Variants in ADGRL3 observed in about 807,000 individuals in gnomAD.
The protein encoded by ADGRL3 is calcium-independent alpha-latrotoxin receptor 3.
In ADGRL3, 62 loss-of-function variants were observed where a neutral mutation model predicts 153.5. The observed-to-expected ratio is 0.40, with a 90% CI of 0.33 to 0.50. ADGRL3 has a LOEUF of 0.50. ADGRL3 is among the 20% of genes least tolerant of loss of function. ADGRL3 has a pLI of 0.47. For synonymous variants in ADGRL3, 710 were observed against 672.5 expected, an observed-to-expected ratio of 1.06 and a Z score of -0.86; for missense variants, 1,641 against 1,859.4, an observed-to-expected ratio of 0.88 and a Z score of 2.16.
chr4:61,908,930 T>C (rs2098709227), intron 11 of ADGRL3, among the ~76,000 whole-genome samples: 1 of 152,192 alleles, frequency 6.6e-6, no homozygotes, highest in African/African-American at 2.4e-5. Context: ...TTTGGAGTGT[T>C]GACCATTTGA....
chr4:61,450,043 C>A (rs2097654782), intron 2 of ADGRL3, among the ~76,000 whole-genome samples: 1 of 152,100 alleles, frequency 6.6e-6, no homozygotes, highest in Non-Finnish European at 1.5e-5. Context: ...TTTATTGAAG[C>A]CACGTTAGAA....
intron 2 of ADGRL3, among the ~76,000 whole-genome samples, chr4:61,402,585 A>T (rs1008031836): frequency 6.6e-6 from 1 of 152,092 alleles, no homozygotes; most frequent in Non-Finnish European, 1.5e-5. Context: ...AGTGTGGAAT[A>T]ATACACCAGA....
At chr4:61,553,292 A>G (rs1227744487) in intron 4 of ADGRL3, among the ~76,000 whole-genome samples, 1 of 152,216 alleles carries the variant, frequency 6.6e-6, no homozygotes, top group Non-Finnish European at 1.5e-5. Flanking sequence ...CAACGTAAGC[A>G]TCTCTGTACC....
intron 2 of ADGRL3, among the ~76,000 whole-genome samples, chr4:61,477,289 G>T (rs1196268803): frequency 6.6e-6 from 1 of 151,958 alleles, no homozygotes; most frequent in Admixed American, 6.6e-5. Flanking sequence ...TGGTGAGGTG[G>T]TCCTTCCTAT....
chr4:61,321,145 C>T (rs994828735), intron 1 of ADGRL3, among the ~76,000 whole-genome samples: 1 of 152,156 alleles, frequency 6.6e-6, no homozygotes, highest in Non-Finnish European at 1.5e-5. Flanking sequence ...TCATTTGCAA[C>T]TTTAATTCCT....
chr4:61,790,258 A>G (rs2097326024), intron 8 of ADGRL3, among the ~76,000 whole-genome samples: 1 of 152,160 alleles, frequency 6.6e-6, no homozygotes, highest in Non-Finnish European at 1.5e-5. Flanking sequence ...CTTGAAATAT[A>G]TGTTCATTTT....
intron 8 of ADGRL3, among the ~76,000 whole-genome samples, chr4:61,743,914 CCTCA>C (rs1316377382): frequency 1.3e-5 from 2 of 152,194 alleles, no homozygotes; most frequent in East Asian, 3.9e-4. Flanking sequence ...CGACGCATTG[CCTCA>C]CTCGGGAAGT....
intron 6 of ADGRL3, among the ~76,000 whole-genome samples, chr4:61,722,023 G>A (rs1003753955): frequency 6.6e-6 from 1 of 152,018 alleles, no homozygotes; most frequent in Non-Finnish European, 1.5e-5. Flanking sequence ...TAAAGATTTG[G>A]ATATCATTTA....
intron 21 of ADGRL3, among the ~76,000 whole-genome samples, chr4:62,004,285 TA>T: frequency 6.6e-6 from 1 of 152,134 alleles, no homozygotes; most frequent in East Asian, 1.9e-4. Context: ...GCCTACTTGC[TA>T]AAATTATCTC....
intron 1 of ADGRL3, among the ~76,000 whole-genome samples, chr4:61,203,767 T>G (rs1296800230): frequency 6.6e-6 from 1 of 152,220 alleles, no homozygotes; most frequent in Non-Finnish European, 1.5e-5. Flanking sequence ...TCTGGACTTC[T>G]GGCGCCCAAT....
At chr4:61,626,712 A>G (rs1394310327) in intron 5 of ADGRL3, among the ~76,000 whole-genome samples, 1 of 152,150 alleles carries the variant, frequency 6.6e-6, no homozygotes, top group East Asian at 1.9e-4. Flanking sequence ...ACGTAAGTTC[A>G]GTAACAGCTT....
At chr4:61,545,647 G>T (rs530691285) in intron 4 of ADGRL3, among the ~76,000 whole-genome samples, 1 of 152,198 alleles carries the variant, frequency 6.6e-6, no homozygotes, top group Admixed American at 6.5e-5. Flanking sequence ...CTGAGTAGCT[G>T]GGACTACAGG....
At chr4:61,947,262 T>C (rs1560414684) in intron 16 of ADGRL3, 140 bp downstream of exon 16, 22 of 689,356 alleles carry the variant, frequency 3.2e-5, no homozygotes, top group South Asian at 2.1e-4. Context: ...TAGTGGTAAT[T>C]TTTTTGTCAG....
At chr4:61,563,951 G>A (rs2098806112) in intron 4 of ADGRL3, among the ~76,000 whole-genome samples, 1 of 152,078 alleles carries the variant, frequency 6.6e-6, no homozygotes, top group African/African-American at 2.4e-5. Context: ...GCAGATTGCA[G>A]TGAGCCGAGA....
chr4:61,514,755 T>C (rs2098482571), intron 3 of ADGRL3, among the ~76,000 whole-genome samples: 3 of 152,198 alleles, frequency 2.0e-5, no homozygotes, highest in African/African-American at 4.8e-5. Context: ...TATTCTTTAG[T>C]CTTACTCCAT....
At chr4:61,640,477 C>T (rs1329766936) in intron 5 of ADGRL3, among the ~76,000 whole-genome samples, 1 of 152,086 alleles carries the variant, frequency 6.6e-6, no homozygotes, top group Non-Finnish European at 1.5e-5. Flanking sequence ...ACCCTCTTTG[C>T]TCCATTTTCC....
intron 17 of ADGRL3, among the ~76,000 whole-genome samples, chr4:61,959,792 G>A (rs1560432584): frequency 6.6e-6 from 1 of 152,026 alleles, no homozygotes; most frequent in Non-Finnish European, 1.5e-5. Flanking sequence ...TAAGAAATTA[G>A]CTTTATTATT....
At chr4:61,399,415 C>T (rs1235459470) in intron 2 of ADGRL3, among the ~76,000 whole-genome samples, 1 of 151,480 alleles carries the variant, frequency 6.6e-6, no homozygotes, top group African/African-American at 2.4e-5. Flanking sequence ...TTTGAAATGA[C>T]AATTTATATC....
rs183656715 is a variant in ADGRL3, at chr4:61,850,697, G to A, written c.1480+36808G>A. Among the ~76,000 whole-genome samples, 5 of 152,112 alleles carry A rather than the reference G, an allele frequency of 3.3e-5. No homozygotes were observed. The East Asian group carries it at 9.7e-4, about 29-fold the overall frequency. On this transcript the variant is annotated intron_variant, in intron 9 of 26. Transcript: ENST00000683033. ...AACTTAAAATTGATATTCTATTTCG[G>A]CAGGGCTATTACTCCTTAATAATAG...
Sources: gnomAD v4.1 joint callset for allele counts (sites outside exome capture counted in the v4.1 genomes callset) on GRCh38, gnomAD v4.1.1 for gene constraint, MANE v1.5 for transcripts, NCBI Gene and HGNC (gene_info 2026-07-23, HGNC 2026-07-21) for gene names.